GALNT15: variants seen among roughly 807,000 people sequenced by gnomAD.
GALNT15 encodes UDP-GalNAc transferase T15.
Under a neutral mutation model 66.8 loss-of-function variants are expected in GALNT15, and 67 were observed. The observed-to-expected ratio is 1.00, with a 90% CI of 0.82 to 1.23. GALNT15 has a LOEUF of 1.23. Ranked by LOEUF, GALNT15 falls within the 50% of genes most tolerant of loss-of-function variation. The pLI is 0.00. For missense variants in GALNT15, 827 were observed against 804.3 expected (o/e 1.03, Z -0.34); for synonymous variants, 313 against 311.5 (o/e 1.00, Z -0.05).
At chr3:16,178,922 G>C (rs1027345324) in intron 1 of GALNT15, among the ~76,000 whole-genome samples, 6 of 152,118 alleles carry the variant, frequency 3.9e-5, no homozygotes, top group African/African-American at 1.4e-4. Context: ...AGCCAGACAA[G>C]CCCCTCTGGC....
rs2063534446 is a variant in GALNT15, at chr3:16,187,988, T to G, written c.540-7772T>G. On this transcript the variant is annotated intron_variant, in intron 1 of 9. Coordinates refer to ENST00000339732, the MANE Select transcript of GALNT15 (RefSeq NM_054110.5). The surrounding 1 kb of genome is among the most constrained non-coding windows in gnomAD (Gnocchi z 5.1). ...ACACAGTGAATCCCTCAGTGTCAGA[T>G]GTGGGAACAAGGGCCAGAGGAGAGA... 6.6e-6 allele frequency among the ~76,000 whole-genome samples: 1 copy of G among 152,188 alleles called. No individual in the cohort carries two copies. Among genetic ancestry groups the G allele is most frequent in the Non-Finnish European group, 1.5e-5 (1 of 68,028 alleles).
chr3:16,216,179 C>T (rs1339046254), intron 6 of GALNT15, among the ~76,000 whole-genome samples: 1 of 152,140 alleles, frequency 6.6e-6, no homozygotes, highest in South Asian at 2.1e-4. Context: ...CTGCAGCAAC[C>T]TCAATTATTG....
chr3:16,217,739 T>A (rs1455244263), intron 6 of GALNT15, among the ~76,000 whole-genome samples: 1 of 152,200 alleles, frequency 6.6e-6, no homozygotes, highest in Non-Finnish European at 1.5e-5. Flanking sequence ...TGGGTAGATT[T>A]ATCAGTTTAT....
chr3:16,211,254 C>T lies in GALNT15; in HGVS notation c.1197+13C>T. 1 of 1,537,152 alleles carries T rather than the reference C, an allele frequency of 6.5e-7. No homozygotes were observed. Among genetic ancestry groups the T allele is most frequent in the South Asian group, 1.1e-5 (1 of 89,574 alleles). ...ACTGTCTTTCAAGGTATGTCCTGGA[C>T]CAAGGGAGGACAGAGGTGGGATCTC... On this transcript the variant is annotated intron_variant, in intron 5 of 9. Coordinates refer to ENST00000339732, the MANE Select transcript of GALNT15 (RefSeq NM_054110.5). This position sits in a 1 kb window ranked among gnomAD's most constrained non-coding sequence, Gnocchi z 4.3.
chr3:16,246,418 C>T, the GALNT15 span, among the ~76,000 whole-genome samples: 6 of 150,734 alleles, frequency 4.0e-5, no homozygotes, highest in African/African-American at 9.8e-5. Flanking sequence ...ATCCGCCTCC[C>T]GGGTTCAAGT....
chr3:16,183,835 T>C lies in GALNT15; in HGVS notation c.539+8145T>C, dbSNP rs2063492710. Among the ~76,000 whole-genome samples the C allele has an allele frequency of 1.3e-5, 2 of 151,666 alleles. No homozygotes were observed. The highest frequency in any genetic ancestry group is 6.6e-5 in the Admixed American group (1 of 15,262). On this transcript the variant is annotated intron_variant, in intron 1 of 9. Transcript: ENST00000339732. This position sits in a 1 kb window ranked among gnomAD's most constrained non-coding sequence, Gnocchi z 5.2. The stretch of plus-strand genomic sequence containing the variant: ...ACAGCCAGGCCATCTGGTGCAATGC[T>C]GTGACTCATTCTCTTCAGAGCCATC...
chr3:16,206,688 A>AAAAAAAAG (rs1559685837), intron 3 of GALNT15, among the ~76,000 whole-genome samples: 2 of 151,046 alleles, frequency 1.3e-5, no homozygotes, highest in African/African-American at 2.4e-5. Context: ...AAAAAAAAAA[A>AAAAAAAAG]AAAAAAAGAA....
intron 6 of GALNT15, among the ~76,000 whole-genome samples, chr3:16,217,217 TA>T (rs2063888847): frequency 6.6e-6 from 1 of 152,258 alleles, no homozygotes; most frequent in South Asian, 2.1e-4. Flanking sequence ...CTTACTTTCA[TA>T]AAGTCTACAG....
rs75695274 is a variant in GALNT15, at chr3:16,227,854, T to A, written c.*354T>A. 2,127 of 1,038,480 alleles carry A rather than the reference T, an allele frequency of 2.0e-3. 35 individuals carry two copies. In the African/African-American group the frequency reaches 0.033, roughly 16 times the overall value. 64.3% of individuals were successfully genotyped at this position (1,038,480 alleles called of 1,614,324 possible). ...GGCAGCACCTCCAGGATACATAAAT[T>A]CAATGGATCAATTTATTTGTCTTCA... is the stretch of plus-strand genomic sequence containing the variant. On this transcript the variant is annotated 3_prime_UTR_variant, in exon 10 of 10. Coordinates refer to ENST00000339732, the MANE Select transcript of GALNT15 (RefSeq NM_054110.5). The surrounding 1 kb of genome is among the most constrained non-coding windows in gnomAD (Gnocchi z 4.5).
At chr3:16,194,471 T>C (rs1352047391) in intron 1 of GALNT15, among the ~76,000 whole-genome samples, 1 of 152,246 alleles carries the variant, frequency 6.6e-6, no homozygotes, top group Non-Finnish European at 1.5e-5. Flanking sequence ...AAAAATTTTC[T>C]CCAATTTTGT....
chr3:16,198,521 G>C lies in GALNT15; in HGVS notation c.707-2098G>C, dbSNP rs1447424700. Reference sequence around the variant, plus strand: ...AGTGGAAGGGGAGAATGAATGGTGAGGAAGATGTTACATTTAGCAATGTTA... The same window carrying C: ...AGTGGAAGGGGAGAATGAATGGTGACGAAGATGTTACATTTAGCAATGTTA... On this transcript the variant is annotated intron_variant, in intron 2 of 9. Transcript: ENST00000339732. Among the ~76,000 whole-genome samples the C allele has an allele frequency of 1.4e-5, 2 of 141,626 alleles. 1 individual carries two copies. The highest frequency in any genetic ancestry group is 3.1e-5 in the Non-Finnish European group (2 of 64,016). The allele number at this position is 141,626 out of a possible 152,430, so 92.9% of individuals were successfully genotyped here.
At position 16,182,877 on chromosome 3, in the gene GALNT15, C is replaced by G. The variant is rs1047553267; in HGVS notation, c.539+7187C>G. On this transcript the variant is annotated intron_variant, in intron 1 of 9. Transcript: ENST00000339732. The surrounding 1 kb of genome is among the most constrained non-coding windows in gnomAD (Gnocchi z 6.1). ...AGCTACGTCTTGGCTTCTACCACCC[C>G]GTCTTTGGGTTACTGTCTGCTCTAT... The G allele has an allele frequency of 2.0e-5, 3 of 152,334 alleles. No homozygotes were observed. The highest frequency in any genetic ancestry group is 4.4e-5 in the Non-Finnish European group (3 of 68,164). 9.4% of individuals were successfully genotyped at this position (152,334 alleles called of 1,614,324 possible). A position where few individuals can be genotyped will look rare whatever the true frequency, so the allele number is the denominator to read the frequency against.
the GALNT15 span, among the ~76,000 whole-genome samples, chr3:16,241,010 G>A: frequency 3.7e-4 from 56 of 151,922 alleles, no homozygotes; most frequent in Non-Finnish European, 6.8e-4. This position sits in a 1 kb window ranked among gnomAD's most constrained non-coding sequence, Gnocchi z 4.6. Flanking sequence ...CCTTCCCTCC[G>A]TTTGCCAGCT....
Position 16,227,886 on chromosome 3 carries a change from C to T in GALNT15, c.*386C>T. On this transcript the variant is annotated 3_prime_UTR_variant, in exon 10 of 10. Transcript: ENST00000339732. The surrounding 1 kb of genome is among the most constrained non-coding windows in gnomAD (Gnocchi z 4.5). The stretch of plus-strand genomic sequence containing the variant: ...ATCAATTTATTTGTCTTCAAATGGC[C>T]TTAACTTGGATTGTCTGTTTGGCCA... 9.9e-7 allele frequency: 1 copy of T among 1,013,258 alleles called. No homozygotes were observed. Among genetic ancestry groups the T allele is most frequent in the African/African-American group, 1.7e-5 (1 of 57,690 alleles). 62.8% of individuals were successfully genotyped at this position (1,013,258 alleles called of 1,614,324 possible).
intron 6 of GALNT15, among the ~76,000 whole-genome samples, chr3:16,216,684 G>C (rs1308910227): frequency 2.0e-5 from 3 of 152,196 alleles, no homozygotes; most frequent in Admixed American, 6.5e-5. Context: ...GGCGGGGGCT[G>C]TTCACACGTG....
intron 1 of GALNT15, among the ~76,000 whole-genome samples, chr3:16,177,600 T>C (rs2063423682): frequency 6.6e-6 from 1 of 152,260 alleles, no homozygotes; most frequent in African/African-American, 2.4e-5. Flanking sequence ...GTGCAATGTG[T>C]CATCTTGTGT....
At chr3:16,205,369 T>C (rs180983122) in intron 3 of GALNT15, among the ~76,000 whole-genome samples, 1 of 152,360 alleles carries the variant, frequency 6.6e-6, no homozygotes. Context: ...GAAACTACAG[T>C]TAGCTCTTGA....
intron 1 of GALNT15, among the ~76,000 whole-genome samples, chr3:16,190,897 A>T (rs2063569939): frequency 6.6e-6 from 1 of 152,210 alleles, no homozygotes. Flanking sequence ...GTTGCAGAAC[A>T]AACCACAGCT....
intron 1 of GALNT15, among the ~76,000 whole-genome samples, chr3:16,185,621 C>T (rs1466854484): frequency 6.6e-6 from 1 of 152,196 alleles, no homozygotes; most frequent in Admixed American, 6.5e-5. Context: ...TCAGCGTAGA[C>T]AGTGCAGAAT....
Sources: gnomAD v4.1 joint callset for allele counts (sites outside exome capture counted in the v4.1 genomes callset) on GRCh38, gnomAD v4.1.1 for gene constraint, Gnocchi (gnomAD v3.1) non-coding constraint, MANE v1.5 for transcripts, NCBI Gene and HGNC (gene_info 2026-07-23, HGNC 2026-07-21) for gene names.